DIS3L2: variants seen among roughly 807,000 people sequenced by gnomAD.
DIS3L2 encodes the protein DIS3 like 3'-5' exoribonuclease 2.
A neutral mutation model predicts 97.5 loss-of-function variants in DIS3L2; 34 were observed. That is an observed-to-expected ratio of 0.35 (90% CI 0.27 to 0.46). The LOEUF (loss-of-function observed/expected upper bound fraction) is 0.46, where lower values mean the gene tolerates loss of function less well. Ranked by LOEUF, DIS3L2 falls within the 20% of genes least tolerant of loss-of-function variation. The pLI, the probability that DIS3L2 is intolerant of heterozygous loss-of-function variation, is 1.00. For missense variants in DIS3L2, 1,038 were observed against 1,146.0 expected (o/e 0.91, Z 1.36); for synonymous variants, 435 against 445.2 (o/e 0.98, Z 0.29).
chr2:231,961,816 C>T (rs1022973557), intron 1 of DIS3L2, 51 bp downstream of exon 1: 6 of 152,480 alleles, frequency 3.9e-5, no homozygotes, highest in Admixed American at 2.0e-4. Context: ...TGCACGACCC[C>T]CTCGGGACCG....
At chr2:232,336,180 C>G (rs2106356803) in intron 20 of DIS3L2, 3 of 1,533,132 alleles carry the variant, frequency 2.0e-6, no homozygotes, top group Non-Finnish European at 2.6e-6. Context: ...GAGTTTACAC[C>G]CAAGAAATTG....
In DIS3L2 at chr2:232,087,721, GGTGA is replaced by G. The variant is rs1165335358; in HGVS notation, c.601+3_601+6del. 1 of 1,611,976 alleles carries G rather than the reference GGTGA, an allele frequency of 6.2e-7. No individual in the cohort carries two copies. Among genetic ancestry groups the G allele is most frequent in the East Asian group, 2.2e-5 (1 of 44,840 alleles). ...ACTCTCAGTTTGTGTTTCTGAGAAA[GGTGA>G]GTACTAGACTATTGTCTTACTTTTT... On this transcript the variant is annotated splice_donor_variant and splice_donor_region_variant and intron_variant, in intron 6 of 20. Transcript: ENST00000325385. LOFTEE classifies it high-confidence loss of function.
intron 6 of DIS3L2, among the ~76,000 whole-genome samples, chr2:232,119,361 C>T (rs1697824971): frequency 6.6e-6 from 1 of 152,118 alleles, no homozygotes; most frequent in Non-Finnish European, 1.5e-5. Flanking sequence ...TTAGTAAACA[C>T]CATATTTCTA....
intron 13 of DIS3L2, among the ~76,000 whole-genome samples, chr2:232,275,380 G>A (rs1211620342): frequency 6.6e-6 from 1 of 152,196 alleles, no homozygotes; most frequent in East Asian, 1.9e-4. Flanking sequence ...GCACAGAAGA[G>A]GTATGCAGTC....
intron 14 of DIS3L2, among the ~76,000 whole-genome samples, chr2:232,311,876 T>G (rs889234798): frequency 6.6e-6 from 1 of 152,230 alleles, no homozygotes; most frequent in Non-Finnish European, 1.5e-5. Context: ...TAAATCTGCT[T>G]GTACATGTCT....
At chr2:232,233,272 C>G (rs1692845825) in intron 10 of DIS3L2, among the ~76,000 whole-genome samples, 1 of 152,188 alleles carries the variant, frequency 6.6e-6, no homozygotes, top group African/African-American at 2.4e-5. Context: ...AGTCCAAGAT[C>G]AAGATGCTGG....
intron 10 of DIS3L2, among the ~76,000 whole-genome samples, chr2:232,212,961 A>G (rs914078400): frequency 1.8e-4 from 27 of 152,134 alleles, no homozygotes; most frequent in Non-Finnish European, 2.2e-4. Context: ...CAGGAGTACA[A>G]GCTGGTTTGG....
chr2:232,054,847 A>G (rs2106268227), intron 5 of DIS3L2, among the ~76,000 whole-genome samples: 2 of 152,328 alleles, frequency 1.3e-5, no homozygotes, highest in East Asian at 3.9e-4. Flanking sequence ...ACAGATACAA[A>G]TATCCTAAAT....
At chr2:232,194,629 A>G (rs1025693332) in intron 9 of DIS3L2, among the ~76,000 whole-genome samples, 2 of 152,224 alleles carry the variant, frequency 1.3e-5, no homozygotes, top group African/African-American at 4.8e-5. Context: ...CTAATAGCCA[A>G]GTGGTAAAGG....
At chr2:232,237,980 G>GT (rs1311006666) in intron 10 of DIS3L2, among the ~76,000 whole-genome samples, 1 of 152,136 alleles carries the variant, frequency 6.6e-6, no homozygotes, top group African/African-American at 2.4e-5. Flanking sequence ...GTGTGACCCT[G>GT]TAAGGACATG....
intron 19 of DIS3L2, 86 bp from the exon 20 acceptor site, chr2:232,335,687 G>T (rs970006664): frequency 1.4e-6 from 2 of 1,445,636 alleles, no homozygotes; most frequent in South Asian, 1.3e-5. Context: ...GCTGAGGGCC[G>T]CCTCCAAGCA....
intron 14 of DIS3L2, among the ~76,000 whole-genome samples, chr2:232,323,665 T>C (rs1472891777): frequency 6.6e-6 from 1 of 152,198 alleles, no homozygotes; most frequent in Non-Finnish European, 1.5e-5. Flanking sequence ...TGTGGTTTCA[T>C]GGGAACGTCC....
chr2:232,093,220 T>C (rs985321874), intron 6 of DIS3L2, among the ~76,000 whole-genome samples: 2 of 152,142 alleles, frequency 1.3e-5, no homozygotes, highest in African/African-American at 2.4e-5. Context: ...GAGCCATGTT[T>C]GCATCCCTGG....
chr2:232,252,671 C>A (rs533860273), intron 12 of DIS3L2, among the ~76,000 whole-genome samples: 2 of 152,274 alleles, frequency 1.3e-5, no homozygotes, highest in Non-Finnish European at 2.9e-5. Flanking sequence ...GAGGCCGAAG[C>A]GGGCAGATTG....
chr2:232,288,993 G>A (rs533532795), intron 13 of DIS3L2, among the ~76,000 whole-genome samples: 1 of 152,264 alleles, frequency 6.6e-6, no homozygotes, highest in African/African-American at 2.4e-5. Context: ...CTGTAAGGGT[G>A]GGCACAGCTC....
intron 9 of DIS3L2, among the ~76,000 whole-genome samples, chr2:232,167,359 G>C (rs1690854226): frequency 6.6e-6 from 1 of 152,076 alleles, no homozygotes; most frequent in African/African-American, 2.4e-5. Flanking sequence ...CTTACGAAAA[G>C]TATAGAAAAC....
intron 12 of DIS3L2, chr2:232,260,502 C>G (rs1693686960): frequency 6.6e-6 from 1 of 152,210 alleles, no homozygotes; most frequent in Non-Finnish European, 1.5e-5. Flanking sequence ...TTCCTGAGAG[C>G]CAAATTCAGA....
intron 6 of DIS3L2, among the ~76,000 whole-genome samples, chr2:232,120,822 A>G: frequency 6.6e-6 from 1 of 152,054 alleles, no homozygotes; most frequent in Non-Finnish European, 1.5e-5. Flanking sequence ...TTATTTCGAT[A>G]CAATGAAGTT....
At chr2:232,115,891 G>A (rs560478025) in intron 6 of DIS3L2, among the ~76,000 whole-genome samples, 4 of 152,202 alleles carry the variant, frequency 2.6e-5, no homozygotes, top group South Asian at 2.1e-4. Context: ...CAAGGCTGGC[G>A]CGGTGGCTCA....
Sources: allele counts gnomAD v4.1 joint callset (sites outside exome capture counted in the v4.1 genomes callset), GRCh38; gene constraint gnomAD v4.1.1; transcripts MANE v1.5; gene names NCBI Gene and HGNC (gene_info 2026-07-23, HGNC 2026-07-21).